The following PPP4R2 variants were observed in gnomAD, a reference collection of about 807,000 sequenced individuals.
PPP4R2 encodes the protein protein phosphatase 4 regulatory subunit 2.
A neutral mutation model predicts 47.2 loss-of-function variants in PPP4R2; 13 were observed. That is an observed-to-expected ratio of 0.28 (90% CI 0.18 to 0.44). The LOEUF is 0.44. PPP4R2 is among the 20% of genes least tolerant of loss of function. PPP4R2 has a pLI of 1.00. For missense variants in PPP4R2, 421 were observed against 491.2 expected, an observed-to-expected ratio of 0.86 and a Z score of 1.35; for synonymous variants, 151 against 163.3, an observed-to-expected ratio of 0.92 and a Z score of 0.57.
At chr3:73,045,210 C>T (rs1353130755) in intron 2 of PPP4R2, among the ~76,000 whole-genome samples, 1 of 152,010 alleles carries the variant, frequency 6.6e-6, no homozygotes, top group African/African-American at 2.4e-5. Context: ...TGCTGTTTGC[C>T]CAGGCTGGCT....
At position 73,065,557 on chromosome 3, in the gene PPP4R2, T is replaced by C. The variant is rs1396773019; in HGVS notation, c.1089T>C (p.Gly363=). Residue 363 remains glycine, a synonymous_variant, in exon 9 of 9, where the codon GGT becomes GGC. Transcript: ENST00000356692. ...AGAAAGATTTGCTACATTCTGAAGG[T>C]AGTGAAAACGAAGGCCCTGTAAGTA... ...QAEKDLLHSE[G]SENEGPVSSS... The C allele has an allele frequency of 2.5e-6, 4 of 1,613,026 alleles. No individual in the cohort carries two copies. In the Admixed American group the frequency reaches 6.7e-5, roughly 27 times the overall value.
Position 73,002,629 on chromosome 3 carries a change from C to CTTTTTTTTTTTTTTTTTTTTTTTTT in PPP4R2, c.116+4475_116+4476insTTTTTTTTTTTTTTTTTTTTTTTTT, listed in dbSNP as rs1245599779. Among the ~76,000 whole-genome samples, 38 of 82,992 alleles carry CTTTTTTTTTTTTTTTTTTTTTTTTT rather than the reference C, an allele frequency of 4.6e-4. 3 individuals carry two copies. Among genetic ancestry groups the CTTTTTTTTTTTTTTTTTTTTTTTTT allele is most frequent in the Non-Finnish European group, 7.0e-4 (29 of 41,628 alleles). The allele number at this position is 82,992 out of a possible 152,430, so 54.4% of individuals were successfully genotyped here. Reference sequence around the variant, plus strand: ...TTTTTCTTTTCTTTTCTTTTCTTTTCTTTTCTTTTTTTTTTTTTTTTTTTT... The same window carrying CTTTTTTTTTTTTTTTTTTTTTTTTT: ...TTTTTCTTTTCTTTTCTTTTCTTTTCTTTTTTTTTTTTTTTTTTTTTTTTTTTTTCTTTTTTTTTTTTTTTTTTTT... On this transcript the variant is annotated intron_variant, in intron 2 of 8. Coordinates refer to ENST00000356692, the MANE Select transcript of PPP4R2 (RefSeq NM_174907.4).
At chr3:73,011,425 G>A (rs1701722743) in intron 2 of PPP4R2, among the ~76,000 whole-genome samples, 1 of 152,150 alleles carries the variant, frequency 6.6e-6, no homozygotes, top group South Asian at 2.1e-4. Flanking sequence ...AGGTTGCAGT[G>A]AGCCAAGATT....
chr3:73,012,110 A>T (rs1244696637), intron 2 of PPP4R2, among the ~76,000 whole-genome samples: 1 of 152,216 alleles, frequency 6.6e-6, no homozygotes, highest in East Asian at 1.9e-4. Flanking sequence ...AAATCTGTGG[A>T]TGCTCAGTCC....
Position 73,065,589 on chromosome 3 carries a change from C to T in PPP4R2, c.1121C>T (p.Ser374Phe). ...SENEGPVSSS[S>F]SDCRETEELV... ...AACGAAGGCCCTGTAAGTAGTAGTTCTTCTGACTGCCGTGAAACAGAAGAA... is the reference window on the plus strand; with the variant it reads ...AACGAAGGCCCTGTAAGTAGTAGTTTTTCTGACTGCCGTGAAACAGAAGAA... The change falls in exon 9 of 9, where the codon TCT (serine) becomes TTT (phenylalanine). Residue 374 changes from serine (S) to phenylalanine (F), a missense_variant. Transcript: ENST00000356692. The T allele has an allele frequency of 1.9e-6, 3 of 1,613,640 alleles. No homozygotes were observed. Among genetic ancestry groups the T allele is most frequent in the East Asian group, 2.2e-5 (1 of 44,854 alleles).
At chr3:73,046,136 T>C (rs1702481725) in intron 2 of PPP4R2, among the ~76,000 whole-genome samples, 2 of 152,250 alleles carry the variant, frequency 1.3e-5, no homozygotes, top group African/African-American at 4.8e-5. Context: ...TTGGTGCTGC[T>C]GTCCTGACTC....
At chr3:73,047,951 G>A (rs868739396) in intron 3 of PPP4R2, among the ~76,000 whole-genome samples, 8 of 152,056 alleles carry the variant, frequency 5.3e-5, no homozygotes, top group South Asian at 2.1e-4. Context: ...ATCTTGGCTC[G>A]CTGCAGTCTC....
intron 2 of PPP4R2, among the ~76,000 whole-genome samples, chr3:73,006,486 G>C (rs1456006534): frequency 3.3e-5 from 5 of 152,052 alleles, no homozygotes; most frequent in Non-Finnish European, 7.4e-5. Flanking sequence ...CACCACACTT[G>C]GCCCAGAGTA....
Position 73,053,193 on chromosome 3 carries a change from A to AAT in PPP4R2, c.287+5838_287+5839insTA, listed in dbSNP as rs1295118829. 3.9e-5 allele frequency among the ~76,000 whole-genome samples: 6 copies of AAT among 152,282 alleles called. No homozygotes were observed. In the East Asian group the frequency reaches 1.2e-3, roughly 29 times the overall value. ...TCAGTGTTTGTTGAGTATATTAGTT[A>AAT]AAATGTACTTATTTGTGGCAGATTT... On this transcript the variant is annotated intron_variant, in intron 3 of 8. Transcript: ENST00000356692.
chr3:73,054,471 A>C (rs1702688216), intron 3 of PPP4R2, among the ~76,000 whole-genome samples: 1 of 152,200 alleles, frequency 6.6e-6, no homozygotes, highest in African/African-American at 2.4e-5. Flanking sequence ...TTGGTAACAG[A>C]GATATTGTTA....
chr3:73,008,075 C>A (rs909636181), intron 2 of PPP4R2, among the ~76,000 whole-genome samples: 19 of 100,812 alleles, frequency 1.9e-4, no homozygotes, highest in Non-Finnish European at 3.0e-4. Context: ...AATTTTTTTC[C>A]CTTAATCTTG....
In PPP4R2 at chr3:73,053,616, A is replaced by C. The variant is rs575210144; in HGVS notation, c.288-5421A>C. ...ATTGGGGTTCCTTATCATTATTAAA[A>C]GAGGCGAAATTAGCTGGGCGTGGTG... On this transcript the variant is annotated intron_variant, in intron 3 of 8. Transcript: ENST00000356692. Among the ~76,000 whole-genome samples, 20 of 152,262 alleles carry C rather than the reference A, an allele frequency of 1.3e-4. No individual in the cohort carries two copies. The South Asian group carries it at 2.1e-3, about 16-fold the overall frequency.
chr3:73,036,911 T>A (rs1297829695), intron 2 of PPP4R2, among the ~76,000 whole-genome samples: 1 of 152,214 alleles, frequency 6.6e-6, no homozygotes. Flanking sequence ...AACTCAAGAT[T>A]CTTCAGGATA....
chr3:73,008,554 C>T (rs543931986), intron 2 of PPP4R2, among the ~76,000 whole-genome samples: 4 of 152,188 alleles, frequency 2.6e-5, no homozygotes, highest in Middle Eastern at 3.4e-3. Flanking sequence ...GGAGTAATGT[C>T]ATGTCTTGGA....
At chr3:73,044,106 ATC>A (rs1343359263) in intron 2 of PPP4R2, among the ~76,000 whole-genome samples, 18 of 152,230 alleles carry the variant, frequency 1.2e-4, no homozygotes, top group African/African-American at 4.3e-4. Context: ...GTGTGTGTTT[ATC>A]TCTCACATTT....
chr3:73,003,070 T>A (rs1361104572), intron 2 of PPP4R2, among the ~76,000 whole-genome samples: 1 of 152,152 alleles, frequency 6.6e-6, no homozygotes, highest in Non-Finnish European at 1.5e-5. Flanking sequence ...AAGTCTAAAA[T>A]AATAATGCGA....
intron 2 of PPP4R2, among the ~76,000 whole-genome samples, chr3:73,035,513 G>C (rs1388455793): frequency 6.6e-6 from 1 of 152,234 alleles, no homozygotes; most frequent in African/African-American, 2.4e-5. Flanking sequence ...AAACAGTGTA[G>C]AGATTCCTCA....
At chr3:73,020,404 G>A (rs2107250601) in intron 2 of PPP4R2, among the ~76,000 whole-genome samples, 1 of 152,270 alleles carries the variant, frequency 6.6e-6, no homozygotes, top group East Asian at 1.9e-4. Flanking sequence ...GCTCACGCCT[G>A]TAATCCCAAC....
At chr3:73,022,727 G>A (rs2172137) in intron 2 of PPP4R2, among the ~76,000 whole-genome samples, 79,182 of 150,720 alleles carry the variant, frequency 0.53, 20,993 homozygotes, top group South Asian at 0.6. Flanking sequence ...GAAAGTCTTT[G>A]AAACATCAAT....
Sources: gnomAD v4.1 joint callset for allele counts (sites outside exome capture counted in the v4.1 genomes callset) on GRCh38, gnomAD v4.1.1 for gene constraint, MANE v1.5 for transcripts, NCBI Gene and HGNC (gene_info 2026-07-23, HGNC 2026-07-21) for gene names.